The following WDR12 variants were observed in gnomAD, a reference collection of about 807,000 sequenced individuals.
WDR12 encodes WD repeat domain 12.
In WDR12, 42 loss-of-function variants were observed where a neutral mutation model predicts 64.3. The observed-to-expected ratio is 0.65, with a 90% CI of 0.51 to 0.84. WDR12 has a LOEUF of 0.84. WDR12 is among the 40% of genes least tolerant of loss of function. WDR12 has a pLI of 0.00. For synonymous variants in WDR12, 158 were observed against 173.3 expected, an observed-to-expected ratio of 0.91 and a Z score of 0.70; for missense variants, 469 against 494.6, an observed-to-expected ratio of 0.95 and a Z score of 0.49.
In WDR12 at chr2:202,880,886, G is replaced by T; in HGVS notation, c.1246C>A (p.Pro416Thr). The T allele has an allele frequency of 6.2e-7, 1 of 1,610,324 alleles. No homozygotes were observed. Among genetic ancestry groups the T allele is most frequent in the Non-Finnish European group, 8.5e-7 (1 of 1,178,148 alleles). Reference protein sequence around the residue: ...DNKLYSYRYSPTTSHVGA With the variant: ...DNKLYSYRYSTTTSHVGA ...CATGCCCCAACATGGGAAGTGGTAG[G>T]TGAATATCTGTAGGAATACAATTTA... is the stretch of plus-strand genomic sequence containing the variant. The change falls in exon 13 of 13, where the codon CCT (proline) becomes ACT (threonine). Residue 416 changes from proline to threonine, a missense_variant. By Grantham distance (38) the Pro-to-Thr change is conservative. Coordinates refer to ENST00000261015, the MANE Select transcript of WDR12 (RefSeq NM_018256.4).
chr2:202,892,805 A>G (rs1254826432), intron 7 of WDR12, 103 bp from the exon 8 acceptor site: 1 of 747,660 alleles, frequency 1.3e-6, no homozygotes, highest in Non-Finnish European at 2.1e-6. Flanking sequence ...CCACGTTATC[A>G]CACAGTTAGG....
In WDR12 at chr2:202,884,524, C is replaced by T; in HGVS notation, c.753G>A (p.Val251=). 6.2e-7 allele frequency: 1 copy of T among 1,612,910 alleles called. No homozygotes were observed. Among genetic ancestry groups the T allele is most frequent in the Non-Finnish European group, 8.5e-7 (1 of 1,179,770 alleles). Residue 251 remains valine (V), a synonymous_variant, in exon 9 of 13, where the codon GTG becomes GTA. Coordinates refer to ENST00000261015, the MANE Select transcript of WDR12 (RefSeq NM_018256.4). ...EQLGLTRTPI[V]TLSGHMEAVS... is the part of the protein sequence containing the mutation. ...CTGCCTCCATGTGGCCAGAGAGGGT[C>T]ACTATGGGAGTCTAGAAAGGAAGAA... is the stretch of plus-strand genomic sequence containing the variant.
At position 202,911,609 on chromosome 2, in the gene WDR12, T is replaced by TA. The variant is rs1275969930; in HGVS notation, c.-134dup. 5 of 832,828 alleles carry TA rather than the reference T, an allele frequency of 6.0e-6. No homozygotes were observed. The East Asian group carries it at 1.3e-4, about 21-fold the overall frequency. 51.6% of individuals were successfully genotyped at this position (832,828 alleles called of 1,614,324 possible). On this transcript the variant is annotated 5_prime_UTR_variant, in exon 1 of 13. Transcript: ENST00000261015. ...CACAGGTAAGCGAGGAACTGCAGTC[T>TA]AAGCCTGGACTCTGCCTTCTGCCCT... is the stretch of plus-strand genomic sequence containing the variant.
chr2:202,884,544 G>C lies in WDR12; in HGVS notation c.742-9C>G, dbSNP rs747044934. On this transcript the variant is annotated splice_polypyrimidine_tract_variant and intron_variant, in intron 8 of 12. Coordinates refer to ENST00000261015, the MANE Select transcript of WDR12 (RefSeq NM_018256.4). The stretch of plus-strand genomic sequence containing the variant: ...AGGGTCACTATGGGAGTCTAGAAAG[G>C]AAGAACCCCAAAAGGGGAAAGTGTT... The C allele has an allele frequency of 9.4e-6, 15 of 1,599,446 alleles. No homozygotes were observed. The highest frequency in any genetic ancestry group is 1.3e-5 in the Non-Finnish European group (15 of 1,176,496).
At chr2:202,895,210 T>G (rs1688216649) in intron 6 of WDR12, among the ~76,000 whole-genome samples, 1 of 152,196 alleles carries the variant, frequency 6.6e-6, no homozygotes. Context: ...TACTTCAATG[T>G]GGCTTAGGAA....
intron 8 of WDR12, among the ~76,000 whole-genome samples, chr2:202,888,139 C>T (rs1031669364): frequency 3.9e-5 from 6 of 152,158 alleles, no homozygotes; most frequent in African/African-American, 1.2e-4. Context: ...TACTCAGCAT[C>T]AATAACCCCC....
At chr2:202,891,964 T>C (rs1436606209) in intron 8 of WDR12, among the ~76,000 whole-genome samples, 1 of 152,216 alleles carries the variant, frequency 6.6e-6, no homozygotes, top group Non-Finnish European at 1.5e-5. Context: ...GGTTATAAGA[T>C]GAACAAGTTC....
At chr2:202,892,528 C>A in intron 8 of WDR12, 89 bp downstream of exon 8, 1 of 821,646 alleles carries the variant, frequency 1.2e-6, no homozygotes. Context: ...AGACAGAAGG[C>A]AACATAAACA....
chr2:202,894,851 G>A (rs543093329), intron 6 of WDR12: 132 of 403,344 alleles, frequency 3.3e-4, no homozygotes, highest in Non-Finnish European at 4.7e-4. Flanking sequence ...TCTGAAGTGA[G>A]AGAGAATAAA....
Position 202,875,004 on chromosome 2 carries a change from A to G in WDR12, c.*5856T>C, listed in dbSNP as rs1687832598. 1.3e-5 allele frequency: 2 copies of G among 152,174 alleles called. No individual in the cohort carries two copies. Among genetic ancestry groups the G allele is most frequent in the Non-Finnish European group, 2.9e-5 (2 of 68,036 alleles). 9.4% of individuals were successfully genotyped at this position (152,174 alleles called of 1,614,324 possible). ...CCAACTATACATAGAATTGTTTGAC[A>G]TGTTTCTAAACTTTGTATCAGATAG... On this transcript the variant is annotated 3_prime_UTR_variant, in exon 13 of 13. Transcript: ENST00000261015.
Position 202,877,306 on chromosome 2 carries a change from TA to T in WDR12, c.*3553del, listed in dbSNP as rs1687876456. Reference sequence around the variant, plus strand: ...ATTGATCATCTTCTCATAGAAAAGCTATGTTTTTCTACAAAGGCCCCACTAT... The same window carrying T: ...ATTGATCATCTTCTCATAGAAAAGCTTGTTTTTCTACAAAGGCCCCACTAT... On this transcript the variant is annotated 3_prime_UTR_variant, in exon 13 of 13. Coordinates refer to ENST00000261015, the MANE Select transcript of WDR12 (RefSeq NM_018256.4). The T allele has an allele frequency of 6.6e-6, 1 of 152,102 alleles. No individual in the cohort carries two copies. Among genetic ancestry groups the T allele is most frequent in the South Asian group, 2.1e-4 (1 of 4,828 alleles). The allele number at this position is 152,102 out of a possible 1,614,324, so 9.4% of individuals were successfully genotyped here.
At position 202,889,899 on chromosome 2, in the gene WDR12, G is replaced by T. The variant is rs189744208; in HGVS notation, c.741+2718C>A. Among the ~76,000 whole-genome samples the T allele has an allele frequency of 1.8e-3, 272 of 151,562 alleles. 1 individual carries two copies. Among genetic ancestry groups the T allele is most frequent in the Non-Finnish European group, 3.2e-3 (214 of 67,810 alleles). ...GCCACTGCACCACTCCTCTCAAAAG[G>T]GGGGAAAGAAACGTCCATCAAAAGA... is the stretch of plus-strand genomic sequence containing the variant. On this transcript the variant is annotated intron_variant, in intron 8 of 12. Transcript: ENST00000261015.
chr2:202,896,265 T>C (rs1688240614), intron 5 of WDR12, 46 bp from the exon 6 acceptor site: 2 of 1,567,488 alleles, frequency 1.3e-6, no homozygotes, highest in Non-Finnish European at 1.7e-6. Context: ...CAGTATACCA[T>C]TTAGAATACA....
intron 8 of WDR12, among the ~76,000 whole-genome samples, chr2:202,885,453 C>T (rs1252554799): frequency 1.3e-5 from 2 of 152,116 alleles, no homozygotes; most frequent in Non-Finnish European, 2.9e-5. Flanking sequence ...GGGAATCCTC[C>T]CTTAGACTGG....
At chr2:202,898,035 A>G (rs1210988542) in intron 4 of WDR12, among the ~76,000 whole-genome samples, 1 of 145,346 alleles carries the variant, frequency 6.9e-6, no homozygotes, top group African/African-American at 2.5e-5. Context: ...TCACATCCCT[A>G]AAATATTTCA....
At chr2:202,903,976 A>G (rs1688403873) in intron 2 of WDR12, among the ~76,000 whole-genome samples, 1 of 151,882 alleles carries the variant, frequency 6.6e-6, no homozygotes, top group Non-Finnish European at 1.5e-5. Flanking sequence ...AGGCTGTACT[A>G]AAAATACAAA....
chr2:202,884,402 G>C lies in WDR12; in HGVS notation c.875C>G (p.Ser292Ter), dbSNP rs1346772160. 16 of 1,613,884 alleles carry C rather than the reference G, an allele frequency of 9.9e-6. No homozygotes were observed. The highest frequency in any genetic ancestry group is 1.4e-5 in the Non-Finnish European group (16 of 1,180,018). The stretch of plus-strand genomic sequence containing the variant: ...ACACTGAATTTGTCTTACCAAAGTT[G>C]ACTTAAGACTGCCAGACTCAACATC... Reference protein sequence around the residue: ...VWDVESGSLKSTLTGNKVFNC... With the variant: ...VWDVESGSLK The change falls in exon 9 of 13, where the codon TCA becomes TGA. Residue 292 changes from serine (S) to a stop codon, truncating the protein, a stop_gained. Coordinates refer to ENST00000261015, the MANE Select transcript of WDR12 (RefSeq NM_018256.4). LOFTEE classifies it high-confidence loss of function.
At position 202,877,652 on chromosome 2, in the gene WDR12, A is replaced by C. The variant is rs1383435957; in HGVS notation, c.*3208T>G. The C allele has an allele frequency of 6.6e-6, 1 of 152,344 alleles. No individual in the cohort carries two copies. Among genetic ancestry groups the C allele is most frequent in the Non-Finnish European group, 1.5e-5 (1 of 68,154 alleles). 9.4% of individuals were successfully genotyped at this position (152,344 alleles called of 1,614,324 possible). A position where few individuals can be genotyped will look rare whatever the true frequency, so the allele number is the denominator to read the frequency against. On this transcript the variant is annotated 3_prime_UTR_variant, in exon 13 of 13. Transcript: ENST00000261015. ...GTACTCCAGTATGGGTGACATAGTG[A>C]GACCCTGTCTTGACAAAAAAACAAA...
chr2:202,883,675 G>A lies in WDR12; in HGVS notation c.1055C>T (p.Pro352Leu), dbSNP rs1687994835. 4 of 1,614,094 alleles carry A rather than the reference G, an allele frequency of 2.5e-6. No homozygotes were observed. Among genetic ancestry groups the A allele is most frequent in the Non-Finnish European group, 3.4e-6 (4 of 1,179,988 alleles). ...TGWVTSVKWS[P>L]THEQQLISGS... Reference sequence around the variant, plus strand: ...TGAAATCAGCTGCTGTTCATGGGTAGGAGACCATTTTACTGATGTCACCCA... The same window carrying A: ...TGAAATCAGCTGCTGTTCATGGGTAAGAGACCATTTTACTGATGTCACCCA... The change falls in exon 11 of 13, where the codon CCT becomes CTT. Residue 352 changes from proline (P) to leucine (L), a missense_variant. Coordinates refer to ENST00000261015, the MANE Select transcript of WDR12 (RefSeq NM_018256.4).
Sources: allele counts gnomAD v4.1 joint callset (sites outside exome capture counted in the v4.1 genomes callset), GRCh38; gene constraint gnomAD v4.1.1; transcripts MANE v1.5; gene names NCBI Gene and HGNC (gene_info 2026-07-23, HGNC 2026-07-21).